EYS: variants seen among roughly 807,000 people sequenced by gnomAD.
EYS encodes the protein protein eyes shut homolog.
In EYS, 250 loss-of-function variants were observed where a neutral mutation model predicts 282.1. That is an observed-to-expected ratio of 0.89 (90% CI 0.80 to 0.98). The LOEUF is 0.98. EYS is among the 50% of genes least tolerant of loss of function. The pLI is 0.00. For missense variants in EYS, 4,016 were observed against 3,709.0 expected (o/e 1.08, Z -2.15); for synonymous variants, 1,355 against 1,282.9 (o/e 1.06, Z -1.20).
chr6:64,330,486 C>T (rs1770599375), intron 29 of EYS, among the ~76,000 whole-genome samples: 1 of 152,162 alleles, frequency 6.6e-6, no homozygotes, highest in African/African-American at 2.4e-5. Flanking sequence ...AGGCCTTGAT[C>T]CAGGTCCCAG....
intron 2 of EYS, among the ~76,000 whole-genome samples, chr6:65,577,137 A>C (rs1764698748): frequency 6.6e-6 from 1 of 151,890 alleles, no homozygotes; most frequent in East Asian, 1.9e-4. Flanking sequence ...AAAAAGAACA[A>C]AGCCAGATAT....
At chr6:64,750,314 T>C (rs971655148) in intron 22 of EYS, among the ~76,000 whole-genome samples, 2 of 151,538 alleles carry the variant, frequency 1.3e-5, no homozygotes, top group Non-Finnish European at 2.9e-5. Flanking sequence ...TAAGGAGTAA[T>C]AGGATTAGTT....
At chr6:64,207,377 A>G (rs868526599) in intron 31 of EYS, among the ~76,000 whole-genome samples, 35 of 152,066 alleles carry the variant, frequency 2.3e-4, no homozygotes, top group African/African-American at 7.7e-4. Flanking sequence ...GGAGCCCAAT[A>G]AATCTCTTTT....
intron 22 of EYS, among the ~76,000 whole-genome samples, chr6:64,701,408 A>G (rs1342526757): frequency 6.6e-6 from 1 of 152,142 alleles, no homozygotes; most frequent in Non-Finnish European, 1.5e-5. Context: ...GCAGAATGGG[A>G]GAAACTATTT....
At chr6:64,417,182 CAA>C (rs1774082773) in intron 28 of EYS, among the ~76,000 whole-genome samples, 1 of 152,188 alleles carries the variant, frequency 6.6e-6, no homozygotes, top group African/African-American at 2.4e-5. Context: ...TTAAAATGCT[CAA>C]GAGTAAAAAC....
At chr6:65,707,051 G>A (rs369654687) in intron 1 of EYS, 84 bp downstream of exon 1, 1 of 152,068 alleles carries the variant, frequency 6.6e-6, no homozygotes, top group Admixed American at 6.6e-5. Flanking sequence ...TATAATTAGA[G>A]ATCTTTGTAG....
chr6:64,744,316 T>C (rs138879794), intron 22 of EYS, among the ~76,000 whole-genome samples: 1 of 152,102 alleles, frequency 6.6e-6, no homozygotes. Flanking sequence ...AAATCCCAAG[T>C]TGGGTAAGAC....
intron 35 of EYS, among the ~76,000 whole-genome samples, chr6:63,954,863 C>T (rs1385356939): frequency 6.6e-6 from 1 of 152,040 alleles, no homozygotes; most frequent in Non-Finnish European, 1.5e-5. Context: ...TCCGCTAGCC[C>T]AACTCTTAGA....
chr6:63,933,906 C>T (rs1421704301), intron 35 of EYS, among the ~76,000 whole-genome samples: 1 of 152,126 alleles, frequency 6.6e-6, no homozygotes, highest in Admixed American at 6.6e-5. Flanking sequence ...AACAATCTAC[C>T]TGCTTTTAAA....
chr6:64,551,164 G>GTATATACATATATACACACA (rs922952826), intron 26 of EYS, among the ~76,000 whole-genome samples: 3 of 147,488 alleles, frequency 2.0e-5, no homozygotes, highest in Non-Finnish European at 4.5e-5. Flanking sequence ...ACATATATGT[G>GTATATACATATATACACACA]TATATACATA....
At chr6:65,358,879 A>G (rs1206890401) in intron 8 of EYS, among the ~76,000 whole-genome samples, 1 of 152,030 alleles carries the variant, frequency 6.6e-6, no homozygotes, top group East Asian at 1.9e-4. Context: ...GTGTTAATCT[A>G]TCCTGTACTT....
intron 2 of EYS, among the ~76,000 whole-genome samples, chr6:65,639,149 C>G (rs1475598936): frequency 6.6e-6 from 1 of 151,900 alleles, no homozygotes; most frequent in Non-Finnish European, 1.5e-5. Context: ...AGTAAATAAG[C>G]TCATAATAAA....
intron 24 of EYS, among the ~76,000 whole-genome samples, chr6:64,604,699 T>TC (rs1178102296): frequency 2.0e-5 from 3 of 152,082 alleles, no homozygotes; most frequent in African/African-American, 7.2e-5. Context: ...ATAATTTTAA[T>TC]CTGCAGGGAG....
chr6:65,687,140 TCA>T (rs1251350078), intron 1 of EYS, among the ~76,000 whole-genome samples: 1 of 152,088 alleles, frequency 6.6e-6, no homozygotes, highest in East Asian at 1.9e-4. Context: ...CAAGAAATAT[TCA>T]GATTTAAGTT....
chr6:64,949,262 C>T (rs1019559630), intron 14 of EYS, among the ~76,000 whole-genome samples: 3 of 151,864 alleles, frequency 2.0e-5, no homozygotes, highest in Admixed American at 1.3e-4. Context: ...CCTTTGCTTT[C>T]GGTCTCACCA....
At chr6:64,754,464 G>A (rs978239451) in intron 22 of EYS, among the ~76,000 whole-genome samples, 3 of 152,100 alleles carry the variant, frequency 2.0e-5, no homozygotes, top group Admixed American at 2.0e-4. Context: ...TGAATAGGAG[G>A]GATTCCTCCT....
At chr6:65,503,906 T>C (rs1318970321) in intron 2 of EYS, among the ~76,000 whole-genome samples, 1 of 151,650 alleles carries the variant, frequency 6.6e-6, no homozygotes, top group Non-Finnish European at 1.5e-5. Context: ...TCTCCAACCT[T>C]ATTTTCTTCA....
intron 1 of EYS, among the ~76,000 whole-genome samples, chr6:65,664,119 C>T (rs1582578724): frequency 6.6e-6 from 1 of 152,220 alleles, no homozygotes; most frequent in East Asian, 1.9e-4. Context: ...ATCCGCCTGC[C>T]TCGGCCTCCC....
At chr6:64,384,381 C>T (rs960515448) in intron 29 of EYS, among the ~76,000 whole-genome samples, 3 of 152,016 alleles carry the variant, frequency 2.0e-5, no homozygotes, top group Non-Finnish European at 4.4e-5. Context: ...TCAAAAATTC[C>T]AGTCAAATAT....
Sources: allele counts gnomAD v4.1 joint callset (sites outside exome capture counted in the v4.1 genomes callset), GRCh38; gene constraint gnomAD v4.1.1; transcripts MANE v1.5; gene names NCBI Gene and HGNC (gene_info 2026-07-23, HGNC 2026-07-21).